Variants in MEGF6 observed in about 807,000 individuals in gnomAD.
MEGF6 encodes the protein multiple EGF like domains 6.
A neutral mutation model predicts 207.1 loss-of-function variants in MEGF6; 184 were observed. That is an observed-to-expected ratio of 0.89 (90% CI 0.79 to 1.00). The LOEUF (loss-of-function observed/expected upper bound fraction) is 1.00. Ranked by LOEUF, MEGF6 falls within the 50% of genes least tolerant of loss-of-function variation. The pLI is 0.00. For missense variants in MEGF6, 2,282 were observed against 2,202.9 expected (o/e 1.04, Z -0.72); for synonymous variants, 1,038 against 910.0 (o/e 1.14, Z -2.53).
At chr1:3,496,068 C>T (rs1017815822) in intron 29 of MEGF6, 50 bp from the exon 30 acceptor site, 1 of 1,465,464 alleles carries the variant, frequency 6.8e-7, no homozygotes, top group Non-Finnish European at 9.0e-7. Context: ...CTCTCCCTGC[C>T]CGGTCAACCC....
chr1:3,581,697 G>A (rs1385780477), intron 3 of MEGF6, among the ~76,000 whole-genome samples: 1 of 152,188 alleles, frequency 6.6e-6, no homozygotes, highest in Non-Finnish European at 1.5e-5. Flanking sequence ...GTGGGGAGCA[G>A]GTGCCGGCCT....
chr1:3,573,509 TCCCCAGGAATCAGC>T lies in MEGF6; in HGVS notation c.481+6302_481+6315del, dbSNP rs1643567123. On this transcript the variant is annotated intron_variant, in intron 4 of 36. Coordinates refer to ENST00000356575, the MANE Select transcript of MEGF6 (RefSeq NM_001409.4). This position sits in a 1 kb window ranked among gnomAD's most constrained non-coding sequence, Gnocchi z 5.1. ...GTCCACAGGACAAAGCTGAGATGCCTCCCCAGGAATCAGCCCAGGCTGGGGCTGCTGCAGGCTGC... is the reference window on the plus strand; with the variant it reads ...GTCCACAGGACAAAGCTGAGATGCCTCCAGGCTGGGGCTGCTGCAGGCTGC... 1.3e-5 allele frequency among the ~76,000 whole-genome samples: 2 copies of T among 152,218 alleles called. 1 individual carries two copies. The highest frequency in any genetic ancestry group is 4.1e-4 in the South Asian group (2 of 4,820).
At chr1:3,568,901 C>A (rs1643423130) in intron 4 of MEGF6, among the ~76,000 whole-genome samples, 1 of 152,202 alleles carries the variant, frequency 6.6e-6, no homozygotes, top group Admixed American at 6.5e-5. Context: ...CAGCTCCATG[C>A]AGCTTGGCCT....
intron 34 of MEGF6, 181 bp downstream of exon 34, chr1:3,493,590 T>C (rs1035346398): frequency 9.9e-6 from 8 of 806,330 alleles, no homozygotes; most frequent in Non-Finnish European, 1.5e-5. Flanking sequence ...AGGGCCATGC[T>C]TGGTACCGCA....
intron 4 of MEGF6, among the ~76,000 whole-genome samples, chr1:3,538,910 G>C (rs1224644800): frequency 1.3e-5 from 2 of 152,194 alleles, no homozygotes; most frequent in Admixed American, 6.5e-5. Flanking sequence ...TGGGACATCA[G>C]AGCTGCCAGG....
intron 18 of MEGF6, among the ~76,000 whole-genome samples, chr1:3,501,554 G>A (rs979795803): frequency 7.9e-5 from 12 of 152,210 alleles, no homozygotes; most frequent in Non-Finnish European, 1.6e-4. Flanking sequence ...AGCCGAGCCC[G>A]TTAGAGATGG....
intron 3 of MEGF6, among the ~76,000 whole-genome samples, chr1:3,583,969 G>A (rs1392074335): frequency 6.6e-6 from 1 of 152,136 alleles, no homozygotes; most frequent in Admixed American, 6.5e-5. Context: ...CGAGGGCCAC[G>A]CCTCTCCCTC....
rs973785126 is a variant in MEGF6, at chr1:3,573,344, C to T, written c.481+6481G>A. Among the ~76,000 whole-genome samples the T allele has an allele frequency of 1.3e-5, 2 of 152,230 alleles. No homozygotes were observed. The highest frequency in any genetic ancestry group is 4.8e-5 in the African/African-American group (2 of 41,458). On this transcript the variant is annotated intron_variant, in intron 4 of 36. Transcript: ENST00000356575. This position sits in a 1 kb window ranked among gnomAD's most constrained non-coding sequence, Gnocchi z 5.1. ...CACACCAGACACAAAAAGCCTCCCC[C>T]AGGGTGGCCTCCTGGCTGAGCCAGC... is the stretch of plus-strand genomic sequence containing the variant.
In MEGF6 at chr1:3,497,082, C is replaced by A; in HGVS notation, c.3519G>T (p.Gln1173His). 1 of 1,573,002 alleles carries A rather than the reference C, an allele frequency of 6.4e-7. No homozygotes were observed. The highest frequency in any genetic ancestry group is 1.2e-5 in the South Asian group (1 of 86,004). Residue 1173 changes from glutamine (Q) to histidine (H), a missense_variant, in exon 28 of 37, where the codon CAG becomes CAT. Physicochemically the swap from Gln to His is conservative, Grantham distance 24. Coordinates refer to ENST00000356575, the MANE Select transcript of MEGF6 (RefSeq NM_001409.4). ...PPGSFGEDCA[Q>H]MCQCPGENPA... Reference sequence around the variant, plus strand: ...GGTTCTCACCGGGACACTGGCACATCTGCGCACAGTCCTCCCCAAAGCTGC... The same window carrying A: ...GGTTCTCACCGGGACACTGGCACATATGCGCACAGTCCTCCCCAAAGCTGC...
the MEGF6 span, among the ~76,000 whole-genome samples, chr1:3,619,703 A>G: frequency 6.6e-6 from 1 of 150,786 alleles, no homozygotes; most frequent in African/African-American, 2.4e-5. Context: ...TGGTGAGTCA[A>G]TTGAACCTCT....
In MEGF6 at chr1:3,611,426, C is replaced by A; in HGVS notation, c.-158G>T. The A allele has an allele frequency of 9.4e-7, 1 of 1,068,846 alleles. No individual in the cohort carries two copies. The highest frequency in any genetic ancestry group is 3.3e-5 in the East Asian group (1 of 30,258). 66.2% of individuals were successfully genotyped at this position (1,068,846 alleles called of 1,614,324 possible). A position where few individuals can be genotyped will look rare whatever the true frequency, so the allele number is the denominator to read the frequency against. ...TGCAGGTGCGGAGCGTCCCGGCTTC[C>A]CGCCCGCGCCCAAAGTGGCACCGCG... On this transcript the variant is annotated 5_prime_UTR_variant, in exon 1 of 37. Transcript: ENST00000356575.
chr1:3,599,625 A>G (rs1422215748), intron 2 of MEGF6, among the ~76,000 whole-genome samples: 1 of 152,222 alleles, frequency 6.6e-6, no homozygotes, highest in Non-Finnish European at 1.5e-5. Flanking sequence ...GTGGCCTCAC[A>G]GCCCGAGTCA....
rs201566610 is a variant in MEGF6 at position 3,602,520 on chromosome 1, G to A, written c.212C>T (p.Pro71Leu). The A allele has an allele frequency of 7.7e-5, 124 of 1,613,174 alleles. No homozygotes were observed. Among genetic ancestry groups the A allele is most frequent in the Non-Finnish European group, 9.2e-5 (109 of 1,179,842 alleles). ...CCACCCACAGCCGGCCTTCCACACC[G>A]GCACCGTGTGGCTTAAGGCCTGCAC... ...PCVQALSHTVPVWKAGCGWQA... is the reference protein window; with the variant it reads ...PCVQALSHTVLVWKAGCGWQA... Residue 71 changes from proline to leucine, a missense_variant, in exon 2 of 37, where the codon CCG becomes CTG. Pro to Leu is a moderately conservative substitution (Grantham distance 98, BLOSUM62 -3). Coordinates refer to ENST00000356575, the MANE Select transcript of MEGF6 (RefSeq NM_001409.4).
intron 2 of MEGF6, among the ~76,000 whole-genome samples, chr1:3,598,669 C>T (rs1347045282): frequency 1.3e-5 from 2 of 151,202 alleles, no homozygotes; most frequent in Admixed American, 6.6e-5. Context: ...CGGGCTCCAA[C>T]GCTGGGGAGC....
At chr1:3,551,113 C>T (rs1642870875) in intron 4 of MEGF6, among the ~76,000 whole-genome samples, 1 of 152,222 alleles carries the variant, frequency 6.6e-6, no homozygotes, top group South Asian at 2.1e-4. Context: ...GCCTCCTGGC[C>T]TATACCAGGC....
At position 3,515,423 on chromosome 1, in the gene MEGF6, C is replaced by T. The variant is rs763896722; in HGVS notation, c.709G>A (p.Glu237Lys). 6.2e-7 allele frequency: 1 copy of T among 1,612,362 alleles called. No homozygotes were observed. Among genetic ancestry groups the T allele is most frequent in the Non-Finnish European group, 8.5e-7 (1 of 1,179,798 alleles). ...CQCRPGFQLQ[E>K]DGRHCVRRSP... is the part of the protein sequence containing the mutation. ...TCACGGACACAATGCCTGCCGTCCT[C>T]CTGGAGCTGGAACCCGGGCCGGCAC... Residue 237 changes from glutamate to lysine, a missense_variant, in exon 6 of 37, where the codon GAG (glutamate) becomes AAG (lysine). By Grantham distance (56) the Glu-to-Lys change is moderately conservative (BLOSUM62 1). Transcript: ENST00000356575.
At chr1:3,583,226 T>C (rs570996649) in intron 3 of MEGF6, among the ~76,000 whole-genome samples, 3 of 152,232 alleles carry the variant, frequency 2.0e-5, no homozygotes, top group Admixed American at 2.0e-4. Flanking sequence ...GACACCCCCA[T>C]GCCGTCAGCA....
At chr1:3,506,768 C>T (rs576828671) in intron 14 of MEGF6, among the ~76,000 whole-genome samples, 1 of 152,222 alleles carries the variant, frequency 6.6e-6, no homozygotes, top group African/African-American at 2.4e-5. Context: ...ACTACATACA[C>T]GTCCTAGTCC....
At chr1:3,578,359 A>T (rs914311975) in intron 4 of MEGF6, among the ~76,000 whole-genome samples, 1 of 152,258 alleles carries the variant, frequency 6.6e-6, no homozygotes, top group Non-Finnish European at 1.5e-5. Context: ...ACCTGTGGCC[A>T]AATGACAGCT....
Sources: gnomAD v4.1 joint callset for allele counts (sites outside exome capture counted in the v4.1 genomes callset) on GRCh38, gnomAD v4.1.1 for gene constraint, Gnocchi (gnomAD v3.1) non-coding constraint, MANE v1.5 for transcripts, NCBI Gene and HGNC (gene_info 2026-07-23, HGNC 2026-07-21) for gene names.